CDH13: variants seen among roughly 807,000 people sequenced by gnomAD.
CDH13 encodes the protein cadherin 13, also known as cadherin-13.
In CDH13, 24 loss-of-function variants were observed where a neutral mutation model predicts 63.8. The observed-to-expected ratio is 0.38, with a 90% CI of 0.27 to 0.53. CDH13 has a LOEUF of 0.53. Among genes scored for constraint, CDH13 ranks in the 20% least tolerant of loss-of-function variants. The pLI, the probability that CDH13 is intolerant of heterozygous loss-of-function variation, is 0.85. For missense variants in CDH13, 1,049 were observed against 903.1 expected (o/e 1.16, Z -2.07); for synonymous variants, 503 against 355.3 (o/e 1.42, Z -4.67).
chr16:82,831,378 A>G (rs2038533983), intron 1 of CDH13, among the ~76,000 whole-genome samples: 1 of 151,548 alleles, frequency 6.6e-6, no homozygotes, highest in Non-Finnish European at 1.5e-5. Flanking sequence ...AGAAGCTTCT[A>G]TTTGATAATT....
chr16:82,858,455 G>A lies in CDH13; in HGVS notation c.139G>A (p.Asp47Asn). 6.2e-7 allele frequency: 1 copy of A among 1,608,250 alleles called. No homozygotes were observed. Among genetic ancestry groups the A allele is most frequent in the Non-Finnish European group, 8.5e-7 (1 of 1,174,760 alleles). ...CAATCAGCCAGCTGAATTCATTGAGGACCAGTCAATTCTAAACTGTAAGCA... is the reference window on the plus strand; with the variant it reads ...CAATCAGCCAGCTGAATTCATTGAGAACCAGTCAATTCTAAACTGTAAGCA... ...HINQPAEFIE[D>N]QSILNLTFSD... Residue 47 changes from aspartate (D) to asparagine (N), a missense_variant, in exon 2 of 14, where the codon GAC (aspartate) becomes AAC (asparagine). Physicochemically the swap from Asp to Asn is conservative, Grantham distance 23 (BLOSUM62 1). Coordinates refer to ENST00000567109, the MANE Select transcript of CDH13 (RefSeq NM_001257.5).
rs886645918 is a variant in CDH13, at chr16:83,317,495, G to A, written c.637-27367G>A. ...CCATCCTGGAATCCACGTTTGCTGG[G>A]GGCACTTCAAGCTACATGGCAGTGA... On this transcript the variant is annotated intron_variant, in intron 5 of 13. Transcript: ENST00000567109. Among the ~76,000 whole-genome samples the A allele has an allele frequency of 1.1e-4, 16 of 152,054 alleles. 1 individual carries two copies. The highest frequency in any genetic ancestry group is 3.9e-4 in the African/African-American group (16 of 41,388).
At chr16:83,518,785 A>C (rs1022390543) in intron 7 of CDH13, among the ~76,000 whole-genome samples, 12 of 152,020 alleles carry the variant, frequency 7.9e-5, no homozygotes, top group African/African-American at 2.7e-4. Context: ...TGATGGTTTT[A>C]TAAAGGGCTT....
At chr16:83,096,523 A>G (rs1194967836) in intron 3 of CDH13, among the ~76,000 whole-genome samples, 1 of 152,214 alleles carries the variant, frequency 6.6e-6, no homozygotes, top group East Asian at 1.9e-4. Context: ...CTATGACCAC[A>G]TCTCCTGAGT....
intron 1 of CDH13, among the ~76,000 whole-genome samples, chr16:82,749,385 G>C (rs1180137794): frequency 6.6e-6 from 1 of 152,198 alleles, no homozygotes; most frequent in African/African-American, 2.4e-5. Context: ...ATAGTTTGAA[G>C]AGAGAGGTAA....
At chr16:83,024,020 C>A in intron 2 of CDH13, among the ~76,000 whole-genome samples, 1 of 152,210 alleles carries the variant, frequency 6.6e-6, no homozygotes, top group Admixed American at 6.5e-5. Context: ...ATCAAGACTT[C>A]ATTATTTATA....
intron 4 of CDH13, among the ~76,000 whole-genome samples, chr16:83,187,497 G>T (rs914508820): frequency 6.6e-6 from 1 of 151,928 alleles, no homozygotes; most frequent in Non-Finnish European, 1.5e-5. Flanking sequence ...TTTTTCTACT[G>T]CTTGGATACA....
Position 82,883,811 on chromosome 16 carries a change from T to C in CDH13, c.157+25338T>C, listed in dbSNP as rs556802351. 3.3e-5 allele frequency among the ~76,000 whole-genome samples: 5 copies of C among 152,330 alleles called. No homozygotes were observed. In the East Asian group the frequency reaches 9.7e-4, roughly 29 times the overall value. ...TCTTGGTCCTCACTGTATCTTTCTGTCCTTACTCTGTGCCTGGGACAGCTT... is the reference window on the plus strand; with the variant it reads ...TCTTGGTCCTCACTGTATCTTTCTGCCCTTACTCTGTGCCTGGGACAGCTT... On this transcript the variant is annotated intron_variant, in intron 2 of 13. Transcript: ENST00000567109.
At chr16:83,182,281 C>T (rs1042855837) in intron 4 of CDH13, among the ~76,000 whole-genome samples, 1 of 152,204 alleles carries the variant, frequency 6.6e-6, no homozygotes, top group Non-Finnish European at 1.5e-5. Context: ...AAGAAAGCTT[C>T]CTCTGATGGC....
At chr16:83,670,670 C>T (rs1914421557) in intron 8 of CDH13, 120 bp from the exon 9 acceptor site, 1 of 929,430 alleles carries the variant, frequency 1.1e-6, no homozygotes, top group African/African-American at 1.6e-5. Flanking sequence ...AACCGTAATC[C>T]TCTTATGTTA....
intron 3 of CDH13, among the ~76,000 whole-genome samples, chr16:83,120,311 A>G (rs902418912): frequency 4.6e-5 from 7 of 152,206 alleles, no homozygotes; most frequent in African/African-American, 1.7e-4. Context: ...CTGGGAGGAC[A>G]CCAGAGGTAG....
intron 7 of CDH13, among the ~76,000 whole-genome samples, chr16:83,487,819 G>C (rs901685936): frequency 6.6e-6 from 1 of 152,144 alleles, no homozygotes; most frequent in Non-Finnish European, 1.5e-5. Flanking sequence ...TCCATGGTTC[G>C]GAGTGTTGTT....
In CDH13 at chr16:82,644,518, C is replaced by T. The variant is rs1206331056; in HGVS notation, c.45+17381C>T. Among the ~76,000 whole-genome samples the T allele has an allele frequency of 6.6e-6, 1 of 152,188 alleles. No individual in the cohort carries two copies. The highest frequency in any genetic ancestry group is 1.5e-5 in the Non-Finnish European group (1 of 68,034). On this transcript the variant is annotated intron_variant, in intron 1 of 13. Coordinates refer to ENST00000567109, the MANE Select transcript of CDH13 (RefSeq NM_001257.5). The surrounding 1 kb of genome is among the most constrained non-coding windows in gnomAD (Gnocchi z 5.7). Reference sequence around the variant, plus strand: ...GCCATGCACAGTGAAACAAGGAAAGCAGCCTAGAGCTGGTCCCCAGACCAG... The same window carrying T: ...GCCATGCACAGTGAAACAAGGAAAGTAGCCTAGAGCTGGTCCCCAGACCAG...
rs9922102 is a variant in CDH13 at position 82,934,107 on chromosome 16, C to T, written c.157+75634C>T. Among the ~76,000 whole-genome samples, 352 of 152,340 alleles carry T rather than the reference C, an allele frequency of 2.3e-3. 2 individuals carry two copies. The highest frequency in any genetic ancestry group is 8.1e-3 in the African/African-American group (337 of 41,574). On this transcript the variant is annotated intron_variant, in intron 2 of 13. Transcript: ENST00000567109. ...GTGTGGTGGCTCTGATCCCACATTC[C>T]CCTTCTGCACTTCCCTAGCAGAGGT...
intron 2 of CDH13, among the ~76,000 whole-genome samples, chr16:82,936,754 G>A (rs1385639363): frequency 1.3e-5 from 2 of 152,172 alleles, no homozygotes; most frequent in Non-Finnish European, 2.9e-5. Context: ...AGAATAGGTA[G>A]AATCAACTCT....
intron 3 of CDH13, among the ~76,000 whole-genome samples, chr16:83,112,712 A>C (rs920360526): frequency 6.6e-6 from 1 of 152,222 alleles, no homozygotes; most frequent in Non-Finnish European, 1.5e-5. Context: ...AAAAGCATGA[A>C]CACTTTAAAG....
At chr16:83,097,877 G>C (rs879695964) in intron 3 of CDH13, among the ~76,000 whole-genome samples, 1 of 152,052 alleles carries the variant, frequency 6.6e-6, no homozygotes, top group African/African-American at 2.4e-5. Context: ...AGAAGAAACA[G>C]TATTTTATTT....
intron 4 of CDH13, among the ~76,000 whole-genome samples, chr16:83,134,705 A>G (rs934737117): frequency 6.6e-6 from 1 of 151,834 alleles, no homozygotes; most frequent in African/African-American, 2.4e-5. Flanking sequence ...AACACAGTCA[A>G]TTCTAACTTA....
chr16:83,196,213 G>A (rs79077036), intron 4 of CDH13, among the ~76,000 whole-genome samples: 280 of 152,042 alleles, frequency 1.8e-3, no homozygotes, highest in African/African-American at 6.6e-3. Flanking sequence ...CCTAGAACAC[G>A]CCATTGCGCT....
Sources: gnomAD v4.1 joint callset for allele counts (sites outside exome capture counted in the v4.1 genomes callset) on GRCh38, gnomAD v4.1.1 for gene constraint, Gnocchi (gnomAD v3.1) non-coding constraint, MANE v1.5 for transcripts, NCBI Gene and HGNC (gene_info 2026-07-23, HGNC 2026-07-21) for gene names.